The following SEMA4B variants were observed in gnomAD, a reference collection of about 807,000 sequenced individuals.
The protein encoded by SEMA4B is semaphorin 4B, also known as semaphorin-4B.
SEMA4B carries 55 observed loss-of-function variants against 88.1 expected under a neutral mutation model. That is an observed-to-expected ratio of 0.62 (90% CI 0.50 to 0.78). SEMA4B has a LOEUF of 0.78. Among genes scored for constraint, SEMA4B ranks in the 30% least tolerant of loss-of-function variants. The pLI is 0.00. For synonymous variants in SEMA4B, 525 were observed against 473.6 expected (o/e 1.11, Z -1.41); for missense variants, 1,062 against 1,111.9 (o/e 0.96, Z 0.64).
At chr15:90,214,825 C>G (rs1263044221) in intron 1 of SEMA4B, 4 of 343,420 alleles carry the variant, frequency 1.2e-5, no homozygotes, top group Non-Finnish European at 2.2e-5. Context: ...TTTTTACTTC[C>G]TTGCTGATGG....
chr15:90,186,370 A>G (rs901658546), intron 1 of SEMA4B, among the ~76,000 whole-genome samples: 1 of 152,074 alleles, frequency 6.6e-6, no homozygotes, highest in Non-Finnish European at 1.5e-5. Flanking sequence ...CTGTAATCCC[A>G]GCACTTTGGG....
chr15:90,224,076 G>A, intron 9 of SEMA4B, 88 bp downstream of exon 9: 3 of 1,321,106 alleles, frequency 2.3e-6, no homozygotes, highest in African/African-American at 1.5e-5. Context: ...CTAGCCTCGG[G>A]CAGATCACTT....
chr15:90,229,387 T>C lies in SEMA4B; in HGVS notation c.*744T>C, dbSNP rs756017774. The stretch of plus-strand genomic sequence containing the variant: ...CCCTCAGAATTCAGGGAAGAGACTG[T>C]CGCCTGCCTTCCTCCGTTGTTGCGT... On this transcript the variant is annotated 3_prime_UTR_variant, in exon 14 of 14. Coordinates refer to ENST00000411539, the MANE Select transcript of SEMA4B (RefSeq NM_198925.4). The C allele has an allele frequency of 5.0e-5, 23 of 456,602 alleles. No homozygotes were observed. The highest frequency in any genetic ancestry group is 9.3e-5 in the Non-Finnish European group (21 of 226,990). The allele number at this position is 456,602 out of a possible 1,614,324, so 28.3% of individuals were successfully genotyped here. A position where few individuals can be genotyped will look rare whatever the true frequency, so the allele number is the denominator to read the frequency against.
chr15:90,189,888 G>C (rs1960294002), intron 1 of SEMA4B, among the ~76,000 whole-genome samples: 1 of 152,226 alleles, frequency 6.6e-6, no homozygotes, highest in African/African-American at 2.4e-5. Flanking sequence ...CTGCTCACAG[G>C]CTATAGTGAA....
chr15:90,210,262 G>C (rs534123406), intron 1 of SEMA4B, among the ~76,000 whole-genome samples: 1 of 152,316 alleles, frequency 6.6e-6, no homozygotes, highest in South Asian at 2.1e-4. Context: ...GAGGTGGTGG[G>C]AGGCACCCAC....
chr15:90,188,083 C>T (rs537998470), intron 1 of SEMA4B, among the ~76,000 whole-genome samples: 1 of 151,592 alleles, frequency 6.6e-6, no homozygotes, highest in South Asian at 2.1e-4. Flanking sequence ...CTTTGGGAGG[C>T]CAAGGTGGGT....
chr15:90,194,945 C>G (rs889443428), intron 1 of SEMA4B, among the ~76,000 whole-genome samples: 1 of 152,090 alleles, frequency 6.6e-6, no homozygotes, highest in African/African-American at 2.4e-5. Flanking sequence ...AGGACTTAAT[C>G]ACATCTGAGA....
At chr15:90,219,552 CG>C (rs1220386765) in intron 3 of SEMA4B, 3 of 518,068 alleles carry the variant, frequency 5.8e-6, no homozygotes, top group Non-Finnish European at 1.0e-5. Context: ...ACCCCTAGGC[CG>C]AAGGAAAGTT....
Position 90,229,269 on chromosome 15 carries a change from C to T in SEMA4B, c.*626C>T, listed in dbSNP as rs763806673. The T allele has an allele frequency of 1.1e-5, 5 of 456,426 alleles. No individual in the cohort carries two copies. The highest frequency in any genetic ancestry group is 2.2e-5 in the Non-Finnish European group (5 of 226,848). 28.3% of individuals were successfully genotyped at this position (456,426 alleles called of 1,614,324 possible). On this transcript the variant is annotated 3_prime_UTR_variant, in exon 14 of 14. Transcript: ENST00000411539. ...CCCTCACCAGGTCCTGGGCTCGGAC[C>T]CAACTCCTGGACCTTTCCAGCCTGT...
chr15:90,197,461 G>A (rs532799078), upstream of SEMA4B, among the ~76,000 whole-genome samples: 2 of 151,850 alleles, frequency 1.3e-5, no homozygotes, highest in Non-Finnish European at 2.9e-5. Context: ...TTTTTGGGAC[G>A]GAGTCTCGCT....
Position 90,228,669 on chromosome 15 carries a change from C to A in SEMA4B, c.*26C>A, listed in dbSNP as rs755322283. On this transcript the variant is annotated 3_prime_UTR_variant, in exon 14 of 14. Transcript: ENST00000411539. Reference sequence around the variant, plus strand: ...GAGCTGACTTCCAGAGGACGCTGCCCTGGCTTCAGGGGCTGTGAATGCTCG... The same window carrying A: ...GAGCTGACTTCCAGAGGACGCTGCCATGGCTTCAGGGGCTGTGAATGCTCG... 6.2e-7 allele frequency: 1 copy of A among 1,612,226 alleles called. No homozygotes were observed. The highest frequency in any genetic ancestry group is 1.3e-5 in the African/African-American group (1 of 74,942).
rs1484359320 is a variant in SEMA4B at position 90,228,897 on chromosome 15, C to T, written c.*254C>T. 1.2e-5 allele frequency: 7 copies of T among 580,388 alleles called. No individual in the cohort carries two copies. Among genetic ancestry groups the T allele is most frequent in the South Asian group, 2.1e-5 (1 of 48,368 alleles). 36.0% of individuals were successfully genotyped at this position (580,388 alleles called of 1,614,324 possible). ...CTGCCTAGGTTGGTGGAACAGTGCT[C>T]CTTATGTAAACTGAGCCCTTTGTTT... On this transcript the variant is annotated 3_prime_UTR_variant, in exon 14 of 14. Coordinates refer to ENST00000411539, the MANE Select transcript of SEMA4B (RefSeq NM_198925.4).
rs1167798578 is a variant in SEMA4B, at chr15:90,201,752, CG to C, written c.157+21del. The C allele has an allele frequency of 7.2e-6, 10 of 1,384,884 alleles. No homozygotes were observed. The Admixed American group carries it at 9.9e-5, about 14-fold the overall frequency. The allele number at this position is 1,384,884 out of a possible 1,614,324, so 85.8% of individuals were successfully genotyped here. ...TGCCTCTGGGTGAGTGCCGGGGACC[CG>C]GGGACGCGGGCCGGGGGAAGGAAGG... On this transcript the variant is annotated intron_variant, in intron 1 of 13. Coordinates refer to ENST00000411539, the MANE Select transcript of SEMA4B (RefSeq NM_198925.4).
rs1250760497 is a variant in SEMA4B at position 90,202,973 on chromosome 15, C to G, written c.157+1238C>G. Among the ~76,000 whole-genome samples the G allele has an allele frequency of 5.3e-5, 8 of 152,184 alleles. 1 individual carries two copies. Among genetic ancestry groups the G allele is most frequent in the African/African-American group, 1.4e-4 (6 of 41,456 alleles). ...CAGATGACCTGGGTTCAAATGCTAC[C>G]TCAGCCACTTAGTAACCATGTGACC... is the stretch of plus-strand genomic sequence containing the variant. On this transcript the variant is annotated intron_variant, in intron 1 of 13. Transcript: ENST00000411539.
chr15:90,224,660 T>C (rs1293990571), intron 9 of SEMA4B, among the ~76,000 whole-genome samples: 1 of 152,110 alleles, frequency 6.6e-6, no homozygotes, highest in African/African-American at 2.4e-5. Context: ...CTGAGAGCAC[T>C]GGTGAAGGGT....
intron 12 of SEMA4B, chr15:90,227,326 C>T (rs867388982): frequency 7.7e-6 from 4 of 519,338 alleles, no homozygotes; most frequent in African/African-American, 3.9e-5. Context: ...GGATTACAGG[C>T]GTGGGCCACC....
chr15:90,190,598 C>G (rs994659852), intron 1 of SEMA4B: 1 of 152,314 alleles, frequency 6.6e-6, no homozygotes, highest in East Asian at 1.9e-4. Context: ...AGGGAGGGCC[C>G]TGGCCTGTTC....
chr15:90,195,276 A>G (rs1218576942), intron 1 of SEMA4B, among the ~76,000 whole-genome samples: 2 of 151,944 alleles, frequency 1.3e-5, no homozygotes, highest in Non-Finnish European at 2.9e-5. Flanking sequence ...TATTTTTTGT[A>G]GAGACCAGTT....
Position 90,225,154 on chromosome 15 carries a change from T to C in SEMA4B, c.1381T>C (p.Tyr461His). ...VHRVPGLHHT[Y>H]DVLFLGTGDG... ...CCGCGTCCCTGGCCTGCACCACACC[T>C]ACGATGTCCTCTTCCTGGGCACTGG... The change falls in exon 10 of 14, where the codon TAC becomes CAC. Residue 461 changes from tyrosine to histidine, a missense_variant. Physicochemically the swap from Tyr to His is moderately conservative, Grantham distance 83 (BLOSUM62 2). Coordinates refer to ENST00000411539, the MANE Select transcript of SEMA4B (RefSeq NM_198925.4). 1 of 1,609,566 alleles carries C rather than the reference T, an allele frequency of 6.2e-7. No homozygotes were observed. The highest frequency in any genetic ancestry group is 8.5e-7 in the Non-Finnish European group (1 of 1,177,918).
Sources: allele counts gnomAD v4.1 joint callset (sites outside exome capture counted in the v4.1 genomes callset), GRCh38; gene constraint gnomAD v4.1.1; transcripts MANE v1.5; gene names NCBI Gene and HGNC (gene_info 2026-07-23, HGNC 2026-07-21).